Variants in ZNF138 observed in about 807,000 individuals in gnomAD.
The protein encoded by ZNF138 is zinc finger protein 138.
ZNF138 carries 33 observed loss-of-function variants against 33.0 expected under a neutral mutation model. The ratio of observed to expected loss-of-function variants is 1.00; its 90% CI spans 0.76 to 1.34. ZNF138 has a LOEUF of 1.34. ZNF138 is among the 40% of genes most tolerant of loss of function. The pLI, the probability that ZNF138 is intolerant of heterozygous loss-of-function variation, is 0.00. For missense variants in ZNF138, 360 were observed against 370.8 expected (o/e 0.97, Z 0.24); for synonymous variants, 139 against 120.4 (o/e 1.15, Z -1.01).
chr7:64,835,748 C>T (rs13228575), downstream of ZNF138: 92,827 of 152,054 alleles, frequency 0.61, 28,663 homozygotes, highest in East Asian at 0.7. Context: ...GCCAGGGACT[C>T]GGCCGATGCC....
At chr7:64,835,649 T>A (rs1790346489), downstream of ZNF138, 1 of 152,110 alleles carries the variant, frequency 6.6e-6, no homozygotes, top group African/African-American at 2.4e-5. Flanking sequence ...AATAAACATG[T>A]CCCTCCTTTT....
the ZNF138 span, among the ~76,000 whole-genome samples, chr7:64,840,712 G>A: frequency 9.4e-6 from 1 of 106,880 alleles, no homozygotes; most frequent in Non-Finnish European, 2.0e-5. Flanking sequence ...TCTGAGTTCT[G>A]CTTAAACATT....
chr7:64,800,210 G>T (rs1308410589), intron 1 of ZNF138, among the ~76,000 whole-genome samples: 1 of 152,100 alleles, frequency 6.6e-6, no homozygotes, highest in South Asian at 2.1e-4. Flanking sequence ...ATTAACTGTG[G>T]TGTGGACTAC....
At chr7:64,806,248 C>G (rs1164894378) in intron 1 of ZNF138, among the ~76,000 whole-genome samples, 1 of 152,198 alleles carries the variant, frequency 6.6e-6, no homozygotes, top group Non-Finnish European at 1.5e-5. Context: ...AGAATTGTGT[C>G]TCTGCCTATT....
the ZNF138 span, among the ~76,000 whole-genome samples, chr7:64,850,053 C>T: frequency 3.3e-5 from 5 of 152,196 alleles, no homozygotes; most frequent in Admixed American, 6.5e-5. Flanking sequence ...CCCCTGGCAG[C>T]CCTCCCCAAG....
At chr7:64,853,360 T>C in the ZNF138 span, 2 of 1,488,676 alleles carry the variant, frequency 1.3e-6, no homozygotes, top group Non-Finnish European at 1.8e-6. Flanking sequence ...GATATGGTTG[T>C]TGGGCCCCAC....
the ZNF138 span, among the ~76,000 whole-genome samples, chr7:64,839,931 G>A: frequency 2.0e-5 from 3 of 152,128 alleles, no homozygotes; most frequent in Non-Finnish European, 4.4e-5. Context: ...GGAGGGCCAG[G>A]GAAGTCGCAC....
intron 3 of ZNF138, among the ~76,000 whole-genome samples, chr7:64,822,963 C>G (rs919706382): frequency 8.5e-5 from 13 of 152,210 alleles, no homozygotes; most frequent in East Asian, 5.8e-4. Context: ...CCACTGCAAC[C>G]TCCTCCTCCC....
chr7:64,817,329 T>C (rs1261454975), intron 3 of ZNF138, among the ~76,000 whole-genome samples: 1 of 152,166 alleles, frequency 6.6e-6, no homozygotes, highest in East Asian at 1.9e-4. Context: ...TTTGGGATGG[T>C]TACAGAGTAA....
At chr7:64,805,046 A>G (rs1163292757) in intron 1 of ZNF138, among the ~76,000 whole-genome samples, 2 of 152,160 alleles carry the variant, frequency 1.3e-5, no homozygotes, top group African/African-American at 2.4e-5. Context: ...TCTTGGAGCT[A>G]TCCCTATCTG....
At chr7:64,815,107 T>G (rs547424619) in intron 2 of ZNF138, 63 bp downstream of exon 2, 187 of 1,333,580 alleles carry the variant, frequency 1.4e-4, no homozygotes, top group East Asian at 3.8e-4. Context: ...TTTTTTTTTT[T>G]GGGTAGAATG....
At chr7:64,849,465 A>G in the ZNF138 span, among the ~76,000 whole-genome samples, 1 of 150,952 alleles carries the variant, frequency 6.6e-6, no homozygotes, top group African/African-American at 2.4e-5. Context: ...CTGTGGTAGT[A>G]TAGGGAGAAT....
intron 1 of ZNF138, among the ~76,000 whole-genome samples, chr7:64,804,961 G>A (rs1473132722): frequency 6.6e-6 from 1 of 152,092 alleles, no homozygotes; most frequent in Admixed American, 6.5e-5. Context: ...CACTTTGGGT[G>A]TTTAAAAAAA....
chr7:64,846,138 G>A, the ZNF138 span, among the ~76,000 whole-genome samples: 6 of 152,138 alleles, frequency 3.9e-5, no homozygotes, highest in East Asian at 5.8e-4. Context: ...TTTTTATACC[G>A]GTACCATGCT....
intron 1 of ZNF138, among the ~76,000 whole-genome samples, chr7:64,798,220 C>T (rs1294765405): frequency 2.0e-5 from 3 of 152,164 alleles, no homozygotes; most frequent in East Asian, 1.9e-4. Context: ...GGATTACAGG[C>T]GTGAGCCACC....
At chr7:64,848,994 A>G in the ZNF138 span, among the ~76,000 whole-genome samples, 2 of 152,026 alleles carry the variant, frequency 1.3e-5, no homozygotes, top group Non-Finnish European at 2.9e-5. Flanking sequence ...ATGAGCCACC[A>G]CACCTGGCTG....
the ZNF138 span, among the ~76,000 whole-genome samples, chr7:64,844,130 G>A: frequency 1.8e-4 from 27 of 152,140 alleles, no homozygotes; most frequent in African/African-American, 5.6e-4. Flanking sequence ...CCAAGGTTAA[G>A]TTTTTAAAAA....
chr7:64,825,154 C>CTTTTTTTTTTTT lies in ZNF138; in HGVS notation c.209-6272_209-6261dup, dbSNP rs71061316. ...TCTTGTAGGCCGCATGTTGTATGCT[C>CTTTTTTTTTTTT]TTTTTTTTTTTTTTTTTTTTTTTTT... On this transcript the variant is annotated intron_variant, in intron 3 of 3. Transcript: ENST00000307355. Among the ~76,000 whole-genome samples the CTTTTTTTTTTTT allele has an allele frequency of 6.5e-5, 3 of 46,020 alleles. 1 individual carries two copies. Among genetic ancestry groups the CTTTTTTTTTTTT allele is most frequent in the African/African-American group, 2.9e-4 (3 of 10,274 alleles). 30.2% of individuals were successfully genotyped at this position (46,020 alleles called of 152,430 possible).
chr7:64,828,292 CT>C (rs1784897847), intron 3 of ZNF138, among the ~76,000 whole-genome samples: 1 of 151,892 alleles, frequency 6.6e-6, no homozygotes, highest in African/African-American at 2.4e-5. Flanking sequence ...CAACATATCC[CT>C]AGGATGTTTT....
Sources: gnomAD v4.1 joint callset for allele counts (sites outside exome capture counted in the v4.1 genomes callset) on GRCh38, gnomAD v4.1.1 for gene constraint, MANE v1.5 for transcripts, NCBI Gene and HGNC (gene_info 2026-07-23, HGNC 2026-07-21) for gene names.